E2F1: variants seen among roughly 807,000 people sequenced by gnomAD.
E2F1 encodes the protein E2F transcription factor 1.
E2F1 carries 7 observed loss-of-function variants against 36.9 expected under a neutral mutation model. The observed-to-expected ratio is 0.19, with a 90% confidence interval of 0.11 to 0.36. The LOEUF is 0.36. Among genes scored for constraint, E2F1 ranks in the 10% least tolerant of loss-of-function variants. The pLI, the probability that E2F1 is intolerant of heterozygous loss-of-function variation, is 1.00. For missense variants in E2F1, 406 were observed against 573.6 expected, an observed-to-expected ratio of 0.71 and a Z score of 2.99; for synonymous variants, 261 against 263.1, an observed-to-expected ratio of 0.99 and a Z score of 0.08.
At chr20:33,680,516 C>G in intron 1 of E2F1, 100 bp from the exon 2 acceptor site, 2 of 983,014 alleles carry the variant, frequency 2.0e-6, no homozygotes, top group Non-Finnish European at 3.1e-6. Context: ...CTCAGTTTCT[C>G]TAGCAGGATG....
Position 33,676,914 on chromosome 20 carries a change from C to A in E2F1, c.1132G>T (p.Val378Leu), listed in dbSNP as rs371155232. ...PVDEDRLSPL[V>L]AADSLLEHVR... ...TGCTCCAGGAGCGAGTCGGCCGCCACCAGCGGGGACAGGCGGTCCTCGTCC... is the reference window on the plus strand; with the variant it reads ...TGCTCCAGGAGCGAGTCGGCCGCCAACAGCGGGGACAGGCGGTCCTCGTCC... The change falls in exon 7 of 7, where the codon GTG becomes TTG. Residue 378 changes from valine to leucine, a missense_variant. By Grantham distance (32) the Val-to-Leu change is conservative. Transcript: ENST00000343380. 67 of 1,568,802 alleles carry A rather than the reference C, an allele frequency of 4.3e-5. No homozygotes were observed. The highest frequency in any genetic ancestry group is 5.4e-5 in the Non-Finnish European group (63 of 1,156,114).
chr20:33,681,955 C>T (rs2122548945), intron 1 of E2F1, among the ~76,000 whole-genome samples: 1 of 152,288 alleles, frequency 6.6e-6, no homozygotes, highest in African/African-American at 2.4e-5. Context: ...GTCACGTTTT[C>T]CCAGAAATCT....
intron 1 of E2F1, among the ~76,000 whole-genome samples, chr20:33,681,929 C>T (rs1160794370): frequency 6.6e-6 from 1 of 152,190 alleles, no homozygotes; most frequent in East Asian, 1.9e-4. Flanking sequence ...GCCACTGCTT[C>T]TCTAGAGGAA....
At chr20:33,680,001 G>A in intron 2 of E2F1, 27 bp from the exon 3 acceptor site, 2 of 1,562,758 alleles carry the variant, frequency 1.3e-6, no homozygotes, top group Admixed American at 1.8e-5. Context: ...AGGCAAGACA[G>A]GGCCCTTCAG....
chr20:33,684,225 C>T (rs2018043306), intron 1 of E2F1, among the ~76,000 whole-genome samples: 1 of 152,206 alleles, frequency 6.6e-6, no homozygotes, highest in African/African-American at 2.4e-5. Flanking sequence ...AACCCATAAT[C>T]CTGTTCAGAT....
chr20:33,677,135 G>A lies in E2F1; in HGVS notation c.1036C>T (p.Pro346Ser), dbSNP rs145759508. 2,284 of 1,614,052 alleles carry A rather than the reference G, an allele frequency of 1.4e-3. 4 individuals are homozygous for A. The highest frequency in any genetic ancestry group is 1.8e-3 in the Non-Finnish European group (2,143 of 1,179,952). ...SSPPSSLTTD[P>S]SQSLLSLEQE... ...TCCAGGCTGAGTAGAGACTGGCTGG[G>A]ATCTGTGGTGAGGGATGAGGGGGGA... The change falls in exon 6 of 7, where the codon CCC becomes TCC. Residue 346 changes from proline (P) to serine (S), a missense_variant. Physicochemically the swap from Pro to Ser is moderately conservative, Grantham distance 74. Coordinates refer to ENST00000343380, the MANE Select transcript of E2F1 (RefSeq NM_005225.3).
In E2F1 at chr20:33,677,527, T is replaced by A; in HGVS notation, c.739A>T (p.Thr247Ser). 1 of 1,613,940 alleles carries A rather than the reference T, an allele frequency of 6.2e-7. No individual in the cohort carries two copies. Among genetic ancestry groups the A allele is most frequent in the East Asian group, 2.2e-5 (1 of 44,872 alleles). ...GCAATGCTACGAAGGTCCTGACACG[T>A]CACGTAGGCCAGGGTTGGCAGAGTC... ...DTDSQRLAYVTCQDLRSIADP... is the reference protein window; with the variant it reads ...DTDSQRLAYVSCQDLRSIADP... The change falls in exon 5 of 7, where the codon ACG becomes TCG. Residue 247 changes from threonine to serine, a missense_variant. Thr to Ser is a moderately conservative substitution (Grantham distance 58, BLOSUM62 1). Coordinates refer to ENST00000343380, the MANE Select transcript of E2F1 (RefSeq NM_005225.3).
intron 6 of E2F1, 58 bp from the exon 7 acceptor site, chr20:33,677,037 G>A: frequency 6.4e-7 from 1 of 1,561,132 alleles, no homozygotes; most frequent in Admixed American, 1.8e-5. Flanking sequence ...GAAGGCAGGG[G>A]CTGTCGTGCC....
rs1357898479 is a variant in E2F1 at position 33,676,509 on chromosome 20, G to A, written c.*223C>T. 1 of 574,722 alleles carries A rather than the reference G, an allele frequency of 1.7e-6. No homozygotes were observed. The highest frequency in any genetic ancestry group is 3.0e-6 in the Non-Finnish European group (1 of 338,564). The allele number at this position is 574,722 out of a possible 1,614,324, so 35.6% of individuals were successfully genotyped here. On this transcript the variant is annotated 3_prime_UTR_variant, in exon 7 of 7. Transcript: ENST00000343380. ...TCACCCCCGGTACACACGTGTGGGTGTAGGCTGCATGCACATACACACCAC... is the reference window on the plus strand; with the variant it reads ...TCACCCCCGGTACACACGTGTGGGTATAGGCTGCATGCACATACACACCAC...
At chr20:33,680,017 AC>A in intron 2 of E2F1, 43 bp from the exon 3 acceptor site, 1 of 1,450,266 alleles carries the variant, frequency 6.9e-7, no homozygotes, top group Non-Finnish European at 9.4e-7. Context: ...TTCAGCATCC[AC>A]CCCCACCTCC....
chr20:33,677,377 C>T (rs745547146), intron 5 of E2F1, 47 bp from the exon 6 acceptor site: 2 of 1,601,702 alleles, frequency 1.2e-6, no homozygotes, highest in African/African-American at 2.7e-5. Flanking sequence ...AGGTGACCAC[C>T]AGCCCAGCCC....
In E2F1 at chr20:33,676,701, T is replaced by C; in HGVS notation, c.*31A>G. 1.3e-6 allele frequency: 2 copies of C among 1,571,180 alleles called. No individual in the cohort carries two copies. Among genetic ancestry groups the C allele is most frequent in the Non-Finnish European group, 1.7e-6 (2 of 1,157,318 alleles). ...CAGGGCTGCAGAGACAAGGTGAGCA[T>C]CTCTGGAAACCCTGGTCCCTCCAAG... is the stretch of plus-strand genomic sequence containing the variant. On this transcript the variant is annotated 3_prime_UTR_variant, in exon 7 of 7. Transcript: ENST00000343380.
At chr20:33,684,635 T>A (rs1037683204) in intron 1 of E2F1, among the ~76,000 whole-genome samples, 3 of 152,134 alleles carry the variant, frequency 2.0e-5, no homozygotes, top group Non-Finnish European at 4.4e-5. Context: ...AATGAGTTAA[T>A]TAAGTAAAGC....
intron 3 of E2F1, among the ~76,000 whole-genome samples, chr20:33,678,611 T>C (rs926991250): frequency 2.7e-5 from 4 of 150,546 alleles, no homozygotes; most frequent in Non-Finnish European, 5.9e-5. Context: ...TGCCACGAAA[T>C]ATTACACATG....
Position 33,676,144 on chromosome 20 carries a change from C to T in E2F1, c.*588G>A, listed in dbSNP as rs886452887. ...TCCTCCCCTTTGCTGATTCCCCAGG[C>T]TCACCAAAGAGGCCTCGATAAATAA... On this transcript the variant is annotated 3_prime_UTR_variant, in exon 7 of 7. Transcript: ENST00000343380. 2 of 152,840 alleles carry T rather than the reference C, an allele frequency of 1.3e-5. No homozygotes were observed. The highest frequency in any genetic ancestry group is 2.4e-5 in the African/African-American group (1 of 41,460). The allele number at this position is 152,840 out of a possible 1,614,324, so 9.5% of individuals were successfully genotyped here. A position where few individuals can be genotyped will look rare whatever the true frequency, so the allele number is the denominator to read the frequency against.
Position 33,677,130 on chromosome 20 carries a change from G to A in E2F1, c.1041C>T (p.Ser347=). 3 of 1,613,908 alleles carry A rather than the reference G, an allele frequency of 1.9e-6. No homozygotes were observed. Among genetic ancestry groups the A allele is most frequent in the Non-Finnish European group, 2.5e-6 (3 of 1,179,888 alleles). ...CTTGCTCCAGGCTGAGTAGAGACTG[G>A]CTGGGATCTGTGGTGAGGGATGAGG... ...SPPSSLTTDP[S]QSLLSLEQEP... The change falls in exon 6 of 7, where the codon AGC becomes AGT. Residue 347 remains serine, a synonymous_variant. Transcript: ENST00000343380.
intron 2 of E2F1, 125 bp downstream of exon 2, chr20:33,680,200 AG>A (rs920038781): frequency 8.2e-6 from 9 of 1,094,814 alleles, no homozygotes; most frequent in Non-Finnish European, 1.1e-5. Context: ...ACTGCCCATC[AG>A]GGTCCTCAGA....
At position 33,685,992 on chromosome 20, in the gene E2F1, TG is replaced by T; in HGVS notation, c.261+11del. The T allele has an allele frequency of 8.9e-7, 1 of 1,128,088 alleles. No homozygotes were observed. Among genetic ancestry groups the T allele is most frequent in the Non-Finnish European group, 1.1e-6 (1 of 922,560 alleles). 69.9% of individuals were successfully genotyped at this position (1,128,088 alleles called of 1,614,324 possible). A position where few individuals can be genotyped will look rare whatever the true frequency, so the allele number is the denominator to read the frequency against. On this transcript the variant is annotated intron_variant, in intron 1 of 6. Coordinates refer to ENST00000343380, the MANE Select transcript of E2F1 (RefSeq NM_005225.3). ...GGCGGCGCTGTCGGCGCGGCGTCCC[TG>T]GGGTCCGTACCGGCGGGCGGCCGAG... is the stretch of plus-strand genomic sequence containing the variant.
rs2017963828 is a variant in E2F1, at chr20:33,676,752, G to A, written c.1294C>T (p.Leu432Phe). The part of the protein sequence containing the change: ...RDLFDCDFGD[L>F]TPLDF ...CCCTGTCAGAAATCCAGGGGGGTGA[G>A]GTCCCCAAAGTCACAGTCGAAGAGG... The change falls in exon 7 of 7, where the codon CTC becomes TTC. Residue 432 changes from leucine to phenylalanine, a missense_variant. Leu to Phe is a conservative substitution (Grantham distance 22). Around this residue, in one of 5 missense-constraint regions of E2F1, gnomAD observed 163 missense variants for 181.5 expected, o/e 0.90. Transcript: ENST00000343380. 2 of 1,609,428 alleles carry A rather than the reference G, an allele frequency of 1.2e-6. No homozygotes were observed. Among genetic ancestry groups the A allele is most frequent in the African/African-American group, 2.7e-5 (2 of 74,956 alleles).
Sources: gnomAD v4.1 joint callset for allele counts (sites outside exome capture counted in the v4.1 genomes callset) on GRCh38, gnomAD v4.1.1 for gene constraint, gnomAD v4.1.1 regional missense constraint, MANE v1.5 for transcripts, NCBI Gene and HGNC (gene_info 2026-07-23, HGNC 2026-07-21) for gene names.